ST6GAL1: variants seen among roughly 807,000 people sequenced by gnomAD.
ST6GAL1 encodes the protein beta-galactoside alpha-2,6-sialyltransferase 1.
ST6GAL1 carries 20 observed loss-of-function variants against 38.0 expected under a neutral mutation model. The observed-to-expected ratio is 0.53, with a 90% CI of 0.37 to 0.77. The LOEUF (loss-of-function observed/expected upper bound fraction) is 0.77, where lower values mean the gene tolerates loss of function less well. ST6GAL1 is among the 30% of genes least tolerant of loss of function. The probability of loss-of-function intolerance (pLI) is 0.00; values close to 1 mark genes in which losing one functional copy is unlikely to be tolerated. For synonymous variants in ST6GAL1, 196 were observed against 188.2 expected (o/e 1.04, Z -0.34); for missense variants, 432 against 496.4 (o/e 0.87, Z 1.23).
chr3:186,999,232 ACTCGC>A (rs879366626), intron 2 of ST6GAL1, among the ~76,000 whole-genome samples: 2 of 151,832 alleles, frequency 1.3e-5, no homozygotes, highest in African/African-American at 4.9e-5. Context: ...CATTAACACC[ACTCGC>A]CTCGTAGAAG....
intron 5 of ST6GAL1, among the ~76,000 whole-genome samples, chr3:187,055,687 CTCT>C (rs1718675521): frequency 6.6e-6 from 1 of 152,146 alleles, no homozygotes. Flanking sequence ...GTTATGATTT[CTCT>C]TCTTTTATGT....
chr3:187,038,128 C>T (rs576821479), intron 2 of ST6GAL1, among the ~76,000 whole-genome samples: 2 of 151,574 alleles, frequency 1.3e-5, no homozygotes, highest in Non-Finnish European at 2.9e-5. Flanking sequence ...ACAACCTGTT[C>T]TTCCCAGGTT....
chr3:186,955,602 A>G (rs35558842), intron 1 of ST6GAL1, among the ~76,000 whole-genome samples: 12,575 of 152,076 alleles, frequency 0.083, 685 homozygotes, highest in Non-Finnish European at 0.11. Context: ...TCCCGGGTTC[A>G]AGCGATTCTC....
intron 1 of ST6GAL1, among the ~76,000 whole-genome samples, chr3:186,941,359 T>C (rs2108515486): frequency 6.6e-6 from 1 of 152,292 alleles, no homozygotes; most frequent in African/African-American, 2.4e-5. Flanking sequence ...ACCTGGAGTG[T>C]TATGCTTCCC....
intron 1 of ST6GAL1, among the ~76,000 whole-genome samples, chr3:186,941,366 T>A (rs1444847638): frequency 6.6e-6 from 1 of 152,126 alleles, no homozygotes. Context: ...GTGTTATGCT[T>A]CCCTGGGTCC....
rs185004503 is a variant in ST6GAL1, at chr3:186,993,894, G to A, written c.-183+29968G>A. 2.6e-5 allele frequency among the ~76,000 whole-genome samples: 4 copies of A among 152,216 alleles called. No individual in the cohort carries two copies. The East Asian group carries it at 7.7e-4, about 29-fold the overall frequency. ...TGTAAGCGATACTTATAACAATGAT[G>A]ATAATGATAATAATCATCATCATAA... On this transcript the variant is annotated intron_variant, in intron 2 of 7. Transcript: ENST00000169298.
chr3:186,934,826 G>A (rs1413441176), intron 1 of ST6GAL1, among the ~76,000 whole-genome samples: 1 of 151,650 alleles, frequency 6.6e-6, no homozygotes, highest in African/African-American at 2.4e-5. Context: ...GAGTGCAGTG[G>A]TGCAATCTCG....
At chr3:186,951,314 C>T (rs1714569621) in intron 1 of ST6GAL1, among the ~76,000 whole-genome samples, 1 of 152,184 alleles carries the variant, frequency 6.6e-6, no homozygotes, top group South Asian at 2.1e-4. Flanking sequence ...ACATCGGCCT[C>T]CCAAAGTGCT....
intron 2 of ST6GAL1, among the ~76,000 whole-genome samples, chr3:187,026,606 G>A (rs1031172236): frequency 6.6e-6 from 1 of 152,222 alleles, no homozygotes; most frequent in Admixed American, 6.5e-5. Flanking sequence ...ATAACTTACA[G>A]TACAAAAGCC....
chr3:186,963,285 C>A (rs1274802760), intron 1 of ST6GAL1, among the ~76,000 whole-genome samples: 1 of 152,130 alleles, frequency 6.6e-6, no homozygotes. Context: ...AGTGCAGTGG[C>A]ACGATCTTGG....
At chr3:187,050,388 T>C (rs1312796744) in intron 4 of ST6GAL1, among the ~76,000 whole-genome samples, 1 of 152,064 alleles carries the variant, frequency 6.6e-6, no homozygotes, top group Non-Finnish European at 1.5e-5. Flanking sequence ...CAACGTGGGG[T>C]AGAGAAACTT....
Position 186,952,046 on chromosome 3 carries a change from A to G in ST6GAL1, c.-324-11739A>G, listed in dbSNP as rs994703131. ...CTGAGACTGAGTAATTTATAAAGAAAAGAGGTTTATTTGGCTCATGATTCT... is the reference window on the plus strand; with the variant it reads ...CTGAGACTGAGTAATTTATAAAGAAGAGAGGTTTATTTGGCTCATGATTCT... On this transcript the variant is annotated intron_variant, in intron 1 of 7. Transcript: ENST00000169298. The surrounding 1 kb of genome is among the most constrained non-coding windows in gnomAD (Gnocchi z 4.1). Among the ~76,000 whole-genome samples, 10 of 152,214 alleles carry G rather than the reference A, an allele frequency of 6.6e-5. No homozygotes were observed. The highest frequency in any genetic ancestry group is 1.5e-4 in the Non-Finnish European group (10 of 68,044).
intron 2 of ST6GAL1, among the ~76,000 whole-genome samples, chr3:186,984,775 CT>C (rs1391723331): frequency 1.0e-4 from 3 of 29,636 alleles, no homozygotes; most frequent in Non-Finnish European, 2.2e-4. Flanking sequence ...TCCTTCCTTC[CT>C]TCCCTTCCTC....
At chr3:186,974,726 T>TGA (rs1553820226) in intron 2 of ST6GAL1, among the ~76,000 whole-genome samples, 1 of 145,764 alleles carries the variant, frequency 6.9e-6, no homozygotes, top group Non-Finnish European at 1.5e-5. Context: ...AGAGCCTGGT[T>TGA]GGGGGGGGGG....
intron 2 of ST6GAL1, among the ~76,000 whole-genome samples, chr3:186,966,763 T>C (rs768574605): frequency 4.6e-5 from 7 of 152,150 alleles, no homozygotes; most frequent in Admixed American, 3.9e-4. Context: ...GGCCCAGTGG[T>C]GCTGGGCCCC....
chr3:187,066,561 A>G (rs1719139889), intron 5 of ST6GAL1, among the ~76,000 whole-genome samples: 1 of 151,874 alleles, frequency 6.6e-6, no homozygotes, highest in African/African-American at 2.4e-5. Context: ...AAAAAGTCCA[A>G]AATATGCACA....
chr3:186,961,506 A>G (rs972465939), intron 1 of ST6GAL1, among the ~76,000 whole-genome samples: 1 of 152,154 alleles, frequency 6.6e-6, no homozygotes, highest in Non-Finnish European at 1.5e-5. Flanking sequence ...GGGTAGGGGC[A>G]GGGTGGGCAG....
intron 2 of ST6GAL1, among the ~76,000 whole-genome samples, chr3:186,988,887 C>A (rs1023426482): frequency 3.9e-5 from 6 of 152,032 alleles, no homozygotes; most frequent in Non-Finnish European, 8.8e-5. Flanking sequence ...GCACTTCAGC[C>A]TGGGCGACAG....
rs1034959831 is a variant in ST6GAL1, at chr3:187,003,729, T to C, written c.-182-35013T>C. Reference sequence around the variant, plus strand: ...TGGAGAATTTTTAGGAGAAGGATAATTGAAAATCCGTCAGACAGCAGTGAA... The same window carrying C: ...TGGAGAATTTTTAGGAGAAGGATAACTGAAAATCCGTCAGACAGCAGTGAA... On this transcript the variant is annotated intron_variant, in intron 2 of 7. Coordinates refer to ENST00000169298, the MANE Select transcript of ST6GAL1 (RefSeq NM_173216.2). Among the ~76,000 whole-genome samples the C allele has an allele frequency of 5.3e-5, 8 of 152,346 alleles. No homozygotes were observed. In the East Asian group the frequency reaches 1.5e-3, roughly 29 times the overall value.
Sources: gnomAD v4.1 joint callset for allele counts (sites outside exome capture counted in the v4.1 genomes callset) on GRCh38, gnomAD v4.1.1 for gene constraint, Gnocchi (gnomAD v3.1) non-coding constraint, MANE v1.5 for transcripts, NCBI Gene and HGNC (gene_info 2026-07-23, HGNC 2026-07-21) for gene names.